Variants in ENTPD1 observed in about 807,000 individuals in gnomAD.
ENTPD1 encodes ectonucleoside triphosphate diphosphohydrolase 1.
In ENTPD1, 33 loss-of-function variants were observed where a neutral mutation model predicts 57.0. That is an observed-to-expected ratio of 0.58 (90% CI 0.44 to 0.77). The LOEUF (loss-of-function observed/expected upper bound fraction) is 0.77, where lower values mean the gene tolerates loss of function less well. Among genes scored for constraint, ENTPD1 ranks in the 30% least tolerant of loss-of-function variants. The pLI is 0.00. For missense variants in ENTPD1, 501 were observed against 603.4 expected, an observed-to-expected ratio of 0.83 and a Z score of 1.78; for synonymous variants, 202 against 218.8, an observed-to-expected ratio of 0.92 and a Z score of 0.68.
chr10:95,720,147 T>C (rs563998011), intron 1 of ENTPD1, among the ~76,000 whole-genome samples: 1 of 152,278 alleles, frequency 6.6e-6, no homozygotes, highest in Admixed American at 6.5e-5. Flanking sequence ...TTTGGAGTCC[T>C]TGTTGGGCCT....
intron 1 of ENTPD1, among the ~76,000 whole-genome samples, chr10:95,712,960 G>C (rs2097967391): frequency 6.6e-6 from 1 of 152,054 alleles, no homozygotes; most frequent in African/African-American, 2.4e-5. Context: ...CGTGAACCCG[G>C]GAGGCGGAGC....
At chr10:95,860,289 A>C (rs2098463230) in intron 7 of ENTPD1, among the ~76,000 whole-genome samples, 180 bp from the exon 8 acceptor site, 1 of 152,166 alleles carries the variant, frequency 6.6e-6, no homozygotes, top group Admixed American at 6.5e-5. Flanking sequence ...AATGTGTGTC[A>C]GCAGCAAAGT....
chr10:95,757,706 A>G (rs368009607), intron 1 of ENTPD1, among the ~76,000 whole-genome samples: 2 of 152,256 alleles, frequency 1.3e-5, no homozygotes, highest in East Asian at 1.9e-4. Context: ...GCTAGTTGTC[A>G]AAAGTCTGGA....
chr10:95,856,050 T>C (rs1020230262), intron 7 of ENTPD1, among the ~76,000 whole-genome samples: 1 of 152,222 alleles, frequency 6.6e-6, no homozygotes, highest in Non-Finnish European at 1.5e-5. Context: ...TTGGTTCCAT[T>C]CTCCCCGTCA....
At chr10:95,780,515 T>A (rs554468500) in intron 1 of ENTPD1, among the ~76,000 whole-genome samples, 29 of 152,228 alleles carry the variant, frequency 1.9e-4, no homozygotes, top group Non-Finnish European at 3.8e-4. Context: ...TATAAACTGT[T>A]TTGCTTTATG....
At position 95,842,418 on chromosome 10, in the gene ENTPD1, A is replaced by G. The variant is rs1220588159; in HGVS notation, c.337A>G (p.Arg113Gly). 7 of 1,614,202 alleles carry G rather than the reference A, an allele frequency of 4.3e-6. No homozygotes were observed. In the East Asian group the frequency reaches 1.1e-4, roughly 26 times the overall value. The change falls in exon 4 of 10, where the codon AGG becomes GGG. Residue 113 changes from arginine (R) to glycine (G), a missense_variant. By Grantham distance (125) the Arg-to-Gly change is moderately radical. Coordinates refer to ENST00000371205, the MANE Select transcript of ENTPD1 (RefSeq NM_001776.6). ...IYLTDCMERA[R>G]EVIPRSQHQE... ...CCTGACTGATTGCATGGAAAGAGCT[A>G]GGGAAGTGATTCCAAGGTCCCAGCA...
chr10:95,743,997 C>CATATATATATATAT (rs57187898), intron 1 of ENTPD1, among the ~76,000 whole-genome samples: 24 of 80,990 alleles, frequency 3.0e-4, no homozygotes, highest in East Asian at 4.6e-4. Flanking sequence ...TATTTTAAAC[C>CATATATATATATAT]ATATATATAT....
intron 1 of ENTPD1, among the ~76,000 whole-genome samples, chr10:95,802,457 C>T (rs1396739103): frequency 1.3e-5 from 2 of 151,598 alleles, no homozygotes; most frequent in Non-Finnish European, 2.9e-5. Context: ...TATTTCCCAC[C>T]TTCTTTTTTT....
intron 7 of ENTPD1, 30 bp from the exon 8 acceptor site, chr10:95,860,439 A>G (rs1198987404): frequency 3.1e-6 from 5 of 1,588,972 alleles, no homozygotes; most frequent in Non-Finnish European, 4.3e-6. Flanking sequence ...TGTGTGGAAC[A>G]CAGCCTAAAA....
intron 1 of ENTPD1, among the ~76,000 whole-genome samples, chr10:95,813,830 A>C (rs1486928381): frequency 6.6e-6 from 1 of 152,214 alleles, no homozygotes; most frequent in Non-Finnish European, 1.5e-5. Flanking sequence ...GAGTTTATAA[A>C]GGCAAGGTAT....
the ENTPD1 span, among the ~76,000 whole-genome samples, chr10:95,696,004 A>G: frequency 6.6e-6 from 1 of 152,158 alleles, no homozygotes; most frequent in Non-Finnish European, 1.5e-5. Flanking sequence ...AGACTATTTT[A>G]GATTTCAAAG....
At chr10:95,827,652 A>T (rs1447034529) in intron 2 of ENTPD1, among the ~76,000 whole-genome samples, 1 of 151,818 alleles carries the variant, frequency 6.6e-6, no homozygotes, top group Non-Finnish European at 1.5e-5. Context: ...TGCCCAGCTA[A>T]TTTTTGTATT....
At chr10:95,694,204 A>C in the ENTPD1 span, 20 of 399,618 alleles carry the variant, frequency 5.0e-5, no homozygotes, top group South Asian at 4.9e-4. Context: ...AGTTCGGCGG[A>C]CCGAGAGGTT....
At chr10:95,764,718 A>AT (rs34082135) in intron 1 of ENTPD1, among the ~76,000 whole-genome samples, 47,631 of 103,646 alleles carry the variant, frequency 0.46, 11,769 homozygotes, top group Admixed American at 0.52. Flanking sequence ...TCCTTTGCCC[A>AT]TTTTTTTTTT....
intron 1 of ENTPD1, among the ~76,000 whole-genome samples, chr10:95,718,967 G>A (rs2097974560): frequency 6.6e-6 from 1 of 152,180 alleles, no homozygotes; most frequent in South Asian, 2.1e-4. Flanking sequence ...TGCAGCACTG[G>A]CCCTTTAAGT....
At chr10:95,803,870 A>G (rs1019188976) in intron 1 of ENTPD1, among the ~76,000 whole-genome samples, 1 of 152,112 alleles carries the variant, frequency 6.6e-6, no homozygotes, top group Admixed American at 6.5e-5. Context: ...TTCTTGAATT[A>G]ATTTTTGTAT....
At chr10:95,731,400 G>A (rs114082399) in intron 1 of ENTPD1, among the ~76,000 whole-genome samples, 205 of 152,248 alleles carry the variant, frequency 1.3e-3, no homozygotes, top group African/African-American at 4.8e-3. Flanking sequence ...AGATGTAGCC[G>A]ACCCTCTGGG....
intron 1 of ENTPD1, among the ~76,000 whole-genome samples, chr10:95,812,832 T>C (rs943394361): frequency 1.3e-5 from 2 of 152,222 alleles, no homozygotes; most frequent in African/African-American, 4.8e-5. Context: ...TTAAAAATGT[T>C]GCTATTCTGA....
At chr10:95,730,907 A>G (rs1207553118) in intron 1 of ENTPD1, among the ~76,000 whole-genome samples, 2 of 152,238 alleles carry the variant, frequency 1.3e-5, no homozygotes, top group Non-Finnish European at 2.9e-5. Context: ...CATTAGGTCA[A>G]TAGATCTTAC....
Sources: allele counts gnomAD v4.1 joint callset (sites outside exome capture counted in the v4.1 genomes callset), GRCh38; gene constraint gnomAD v4.1.1; transcripts MANE v1.5; gene names NCBI Gene and HGNC (gene_info 2026-07-23, HGNC 2026-07-21).